The following CNNM4 variants were observed in gnomAD, a reference collection of about 807,000 sequenced individuals.
CNNM4 encodes the protein metal transporter CNNM4.
Under a neutral mutation model 53.7 loss-of-function variants are expected in CNNM4, and 32 were observed. That is an observed-to-expected ratio of 0.60 (90% CI 0.45 to 0.80). The LOEUF is 0.80. Among genes scored for constraint, CNNM4 ranks in the 30% least tolerant of loss-of-function variants. CNNM4 has a pLI of 0.00. For synonymous variants in CNNM4, 410 were observed against 440.0 expected (o/e 0.93, Z 0.85); for missense variants, 784 against 1,022.0 (o/e 0.77, Z 3.17).
rs751101364 is a variant in CNNM4 at position 96,799,208 on chromosome 2, C to A, written c.1833C>A (p.Tyr611Ter). 2 of 1,614,228 alleles carry A rather than the reference C, an allele frequency of 1.2e-6. No individual in the cohort carries two copies. Among genetic ancestry groups the A allele is most frequent in the Admixed American group, 3.3e-5 (2 of 60,032 alleles). The change falls in exon 4 of 7, where the codon TAC (tyrosine) becomes TAA (stop). Residue 611 changes from tyrosine (Y) to a stop codon, truncating the protein, a stop_gained. Coordinates refer to ENST00000377075, the MANE Select transcript of CNNM4 (RefSeq NM_020184.4). LOFTEE classifies it high-confidence loss of function. ...YLYTRNKPAD[Y>*]FILILQGKVE... ...ACACCCGAAATAAGCCGGCCGACTACTTCATCCTCATCCTGCAGGTGAGCC... is the reference window on the plus strand; with the variant it reads ...ACACCCGAAATAAGCCGGCCGACTAATTCATCCTCATCCTGCAGGTGAGCC...
In CNNM4 at chr2:96,808,225, T is replaced by C. The variant is rs2079226131; in HGVS notation, c.1949-336T>C. Among the ~76,000 whole-genome samples the C allele has an allele frequency of 6.6e-6, 1 of 152,162 alleles. No individual in the cohort carries two copies. Among genetic ancestry groups the C allele is most frequent in the African/African-American group, 2.4e-5 (1 of 41,436 alleles). ...TTTGCCTGTCCTGCTAGGATGATCA[T>C]TGTGTTGCCCTTGACTGATTGGTTG... On this transcript the variant is annotated intron_variant, in intron 5 of 6. Coordinates refer to ENST00000377075, the MANE Select transcript of CNNM4 (RefSeq NM_020184.4). This position sits in a 1 kb window ranked among gnomAD's most constrained non-coding sequence, Gnocchi z 4.9.
chr2:96,761,763 C>T lies in CNNM4; in HGVS notation c.764C>T (p.Thr255Ile). The T allele has an allele frequency of 6.2e-7, 1 of 1,611,962 alleles. No individual in the cohort carries two copies. Among genetic ancestry groups the T allele is most frequent in the Non-Finnish European group, 8.5e-7 (1 of 1,180,028 alleles). ...SLLLGNVLVN[T>I]SLTILLDNLI... Reference sequence around the variant, plus strand: ...CTCCTAGGGAACGTGCTGGTCAACACCTCCCTCACAATCCTTCTAGACAAC... The same window carrying T: ...CTCCTAGGGAACGTGCTGGTCAACATCTCCCTCACAATCCTTCTAGACAAC... Residue 255 changes from threonine to isoleucine, a missense_variant, in exon 1 of 7, where the codon ACC (threonine) becomes ATC (isoleucine). Thr to Ile is a moderately conservative substitution (Grantham distance 89). Transcript: ENST00000377075. The surrounding 1 kb of genome is among the most constrained non-coding windows in gnomAD (Gnocchi z 6.0).
intron 1 of CNNM4, among the ~76,000 whole-genome samples, chr2:96,771,308 T>TA (rs2078867305): frequency 6.6e-6 from 1 of 151,580 alleles, no homozygotes. Context: ...TTTTTTTTTT[T>TA]ATTTTGTTAT....
intron 1 of CNNM4, among the ~76,000 whole-genome samples, chr2:96,795,498 C>G (rs896734875): frequency 1.3e-5 from 2 of 150,094 alleles, no homozygotes; most frequent in African/African-American, 5.0e-5. Context: ...CCCCCCCCCC[C>G]ATCACATGGG....
At chr2:96,802,501 G>A (rs1015906185) in intron 5 of CNNM4, among the ~76,000 whole-genome samples, 1 of 152,242 alleles carries the variant, frequency 6.6e-6, no homozygotes, top group African/African-American at 2.4e-5. Flanking sequence ...AGGCAACTGC[G>A]AGGCCATGAG....
rs2079259292 is a variant in CNNM4, at chr2:96,811,712, T to A, written c.*2195T>A. 6.6e-6 allele frequency: 1 copy of A among 152,646 alleles called. No homozygotes were observed. The highest frequency in any genetic ancestry group is 2.4e-5 in the African/African-American group (1 of 41,460). The allele number at this position is 152,646 out of a possible 1,614,324, so 9.5% of individuals were successfully genotyped here. On this transcript the variant is annotated 3_prime_UTR_variant, in exon 7 of 7. Coordinates refer to ENST00000377075, the MANE Select transcript of CNNM4 (RefSeq NM_020184.4). ...CCGCCGTATTTATTTTGCATAATAT[T>A]TTAATTTGTATATTTTTGTGATTTA...
At chr2:96,769,104 A>G (rs561151049) in intron 1 of CNNM4, among the ~76,000 whole-genome samples, 2 of 152,176 alleles carry the variant, frequency 1.3e-5, no homozygotes, top group Admixed American at 1.3e-4. Context: ...ACAAAAAATT[A>G]GCTGGGTGTG....
chr2:96,763,066 T>C (rs546721821), intron 1 of CNNM4, among the ~76,000 whole-genome samples: 149 of 151,978 alleles, frequency 9.8e-4, no homozygotes, highest in Non-Finnish European at 1.8e-3. Context: ...AGAAGCAGAA[T>C]TGGGAGGTCT....
chr2:96,789,851 C>T (rs1232384943), intron 1 of CNNM4, among the ~76,000 whole-genome samples: 1 of 151,218 alleles, frequency 6.6e-6, no homozygotes, highest in Non-Finnish European at 1.5e-5. Flanking sequence ...CGCCACCACG[C>T]CTGGCTAATT....
At chr2:96,771,106 C>T (rs1297893693) in intron 1 of CNNM4, among the ~76,000 whole-genome samples, 3 of 152,126 alleles carry the variant, frequency 2.0e-5, no homozygotes, top group Admixed American at 1.3e-4. Context: ...CTCCAACCTG[C>T]TGCACTACAG....
Position 96,801,107 on chromosome 2 carries a change from C to T in CNNM4, c.1948+1459C>T, listed in dbSNP as rs1229688220. The T allele has an allele frequency of 7.1e-6, 7 of 985,294 alleles. No homozygotes were observed. Among genetic ancestry groups the T allele is most frequent in the Non-Finnish European group, 8.4e-6 (7 of 829,926 alleles). 61.0% of individuals were successfully genotyped at this position (985,294 alleles called of 1,614,324 possible). ...CCAGGTCGGGTGTCCGCCTGGCAAGCGGAACTCCCTGCTCTGCTGGCTCAC... is the reference window on the plus strand; with the variant it reads ...CCAGGTCGGGTGTCCGCCTGGCAAGTGGAACTCCCTGCTCTGCTGGCTCAC... On this transcript the variant is annotated intron_variant, in intron 5 of 6. Transcript: ENST00000377075. The surrounding 1 kb of genome is among the most constrained non-coding windows in gnomAD (Gnocchi z 5.6).
At chr2:96,805,673 C>T (rs1278453864) in intron 5 of CNNM4, among the ~76,000 whole-genome samples, 2 of 119,628 alleles carry the variant, frequency 1.7e-5, no homozygotes, top group Non-Finnish European at 3.4e-5. Flanking sequence ...TGCCTTCAAG[C>T]ATCTGTTTAA....
intron 1 of CNNM4, among the ~76,000 whole-genome samples, chr2:96,765,755 ACTGGCCTTTTTGCTGTT>A (rs1378045334): frequency 1.3e-5 from 2 of 151,104 alleles, no homozygotes. Context: ...GGCAAGCCCC[ACTGGCCTTTTTGCTGTT>A]CTTTTTTTCT....
In CNNM4 at chr2:96,762,178, C is replaced by A. The variant is rs771195081; in HGVS notation, c.1179C>A (p.Asp393Glu). Residue 393 changes from aspartate (D) to glutamate (E), a missense_variant, in exon 1 of 7, where the codon GAC (aspartate) becomes GAA (glutamate). Around this residue, in one of 3 missense-constraint regions of CNNM4, gnomAD observed 473 missense variants for 624.6 expected, o/e 0.76. Coordinates refer to ENST00000377075, the MANE Select transcript of CNNM4 (RefSeq NM_020184.4). ...CFMIRSDAIL[D>E]FNTMSEIMES... ...TGATCCGCAGCGATGCCATCCTGGA[C>A]TTCAACACCATGTCGGAGATAATGG... is the stretch of plus-strand genomic sequence containing the variant. 1.9e-6 allele frequency: 3 copies of A among 1,614,218 alleles called. No homozygotes were observed. In the South Asian group the frequency reaches 3.3e-5, roughly 18 times the overall value.
In CNNM4 at chr2:96,801,263, C is replaced by T. The variant is rs2079155166; in HGVS notation, c.1948+1615C>T. ...TGTGGGCCGCCAGACCTCAGTGGCT[C>T]TGCTTGGCTGGGGCCCAATTTCTAG... is the stretch of plus-strand genomic sequence containing the variant. On this transcript the variant is annotated intron_variant, in intron 5 of 6. Coordinates refer to ENST00000377075, the MANE Select transcript of CNNM4 (RefSeq NM_020184.4). The surrounding 1 kb of genome is among the most constrained non-coding windows in gnomAD (Gnocchi z 5.6). The T allele has an allele frequency of 7.3e-6, 3 of 410,842 alleles. No homozygotes were observed. Among genetic ancestry groups the T allele is most frequent in the Non-Finnish European group, 9.8e-6 (3 of 304,766 alleles). The allele number at this position is 410,842 out of a possible 1,614,324, so 25.4% of individuals were successfully genotyped here. A position where few individuals can be genotyped will look rare whatever the true frequency, so the allele number is the denominator to read the frequency against.
At chr2:96,792,954 C>T (rs1419607376) in intron 1 of CNNM4, among the ~76,000 whole-genome samples, 2 of 152,092 alleles carry the variant, frequency 1.3e-5, no homozygotes, top group African/African-American at 4.8e-5. Flanking sequence ...TCAGGCAGCA[C>T]TTGGATAGAG....
chr2:96,764,187 G>C (rs1378540959), intron 1 of CNNM4, among the ~76,000 whole-genome samples: 1 of 152,178 alleles, frequency 6.6e-6, no homozygotes. Flanking sequence ...TCCCAGTCTT[G>C]ATCAGCAGGG....
At position 96,800,814 on chromosome 2, in the gene CNNM4, A is replaced by G. The variant is rs575926706; in HGVS notation, c.1948+1166A>G. Among the ~76,000 whole-genome samples the G allele has an allele frequency of 6.2e-4, 95 of 152,298 alleles. No individual in the cohort carries two copies. The highest frequency in any genetic ancestry group is 2.1e-3 in the African/African-American group (89 of 41,570). On this transcript the variant is annotated intron_variant, in intron 5 of 6. Transcript: ENST00000377075. The surrounding 1 kb of genome is among the most constrained non-coding windows in gnomAD (Gnocchi z 4.6). The stretch of plus-strand genomic sequence containing the variant: ...GCCCAGGCTCTGTCCGTTGACCCAT[A>G]GTCTCTCTGTTCCCACTTGGTGTGG...
intron 1 of CNNM4, among the ~76,000 whole-genome samples, chr2:96,793,592 G>T (rs932333593): frequency 6.6e-6 from 1 of 152,168 alleles, no homozygotes; most frequent in African/African-American, 2.4e-5. Context: ...GAGAGGAGGC[G>T]GGGGGCGGAG....
Sources: gnomAD v4.1 joint callset for allele counts (sites outside exome capture counted in the v4.1 genomes callset) on GRCh38, gnomAD v4.1.1 for gene constraint, gnomAD v4.1.1 regional missense constraint, Gnocchi (gnomAD v3.1) non-coding constraint, MANE v1.5 for transcripts, NCBI Gene and HGNC (gene_info 2026-07-23, HGNC 2026-07-21) for gene names.